CACNB2: variants seen among roughly 807,000 people sequenced by gnomAD.
CACNB2 encodes the protein calcium voltage-gated channel auxiliary subunit beta 2.
A neutral mutation model predicts 73.3 loss-of-function variants in CACNB2; 42 were observed. The observed-to-expected ratio is 0.57, with a 90% CI of 0.45 to 0.74. The LOEUF (loss-of-function observed/expected upper bound fraction) is 0.74. Ranked by LOEUF, CACNB2 falls within the 30% of genes least tolerant of loss-of-function variation. The probability of loss-of-function intolerance (pLI) is 0.00; values close to 1 mark genes in which losing one functional copy is unlikely to be tolerated. For missense variants in CACNB2, 940 were observed against 853.0 expected, an observed-to-expected ratio of 1.10 and a Z score of -1.27; for synonymous variants, 348 against 310.3, an observed-to-expected ratio of 1.12 and a Z score of -1.28.
At chr10:18,481,677 T>G (rs1442452142) in intron 3 of CACNB2, among the ~76,000 whole-genome samples, 3 of 152,080 alleles carry the variant, frequency 2.0e-5, no homozygotes, top group Non-Finnish European at 4.4e-5. Context: ...GATGGTCTCT[T>G]CCTCTCCTTC....
At chr10:18,157,766 TAAC>T (rs1294738607) in intron 2 of CACNB2, among the ~76,000 whole-genome samples, 1 of 152,234 alleles carries the variant, frequency 6.6e-6, no homozygotes, top group African/African-American at 2.4e-5. Context: ...TAAATTATAA[TAAC>T]AATTTCATTC....
intron 2 of CACNB2, among the ~76,000 whole-genome samples, chr10:18,368,410 G>C (rs1302411579): frequency 6.6e-6 from 1 of 152,144 alleles, no homozygotes; most frequent in Non-Finnish European, 1.5e-5. Context: ...GAATAACACA[G>C]AGAAAACTTC....
At chr10:18,536,243 CTTTTTTTTTTTTTTTT>C (rs904187820) in intron 12 of CACNB2, 47 bp downstream of exon 12, 14 of 283,216 alleles carry the variant, frequency 4.9e-5, no homozygotes, top group Admixed American at 7.2e-5. Flanking sequence ...GAGATCAGAC[CTTTTTTTTTTTTTTTT>C]TTTTTTTTTT....
intron 2 of CACNB2, among the ~76,000 whole-genome samples, chr10:18,352,049 C>T (rs2041729305): frequency 6.6e-6 from 1 of 152,196 alleles, no homozygotes; most frequent in Admixed American, 6.5e-5. Flanking sequence ...GATATTTTGA[C>T]AGGTCTATTT....
chr10:18,448,529 A>AAAAAGTT (rs372712503), intron 3 of CACNB2, among the ~76,000 whole-genome samples: 41 of 152,060 alleles, frequency 2.7e-4, no homozygotes, highest in African/African-American at 8.9e-4. Context: ...AGGAAAGAAA[A>AAAAAGTT]AAAAGTTAGA....
intron 2 of CACNB2, among the ~76,000 whole-genome samples, chr10:18,174,544 C>T (rs564318764): frequency 3.0e-4 from 45 of 151,992 alleles, no homozygotes; most frequent in Non-Finnish European, 6.0e-4. Flanking sequence ...GCTGGGATTA[C>T]AGGTGCCTGC....
intron 3 of CACNB2, among the ~76,000 whole-genome samples, chr10:18,425,726 G>T (rs1357025012): frequency 6.6e-6 from 1 of 152,112 alleles, no homozygotes; most frequent in African/African-American, 2.4e-5. Context: ...GCCTCATAAA[G>T]AATTCTTCTA....
chr10:18,299,498 T>G (rs1018904675), intron 2 of CACNB2, among the ~76,000 whole-genome samples: 3 of 152,120 alleles, frequency 2.0e-5, no homozygotes, highest in African/African-American at 7.2e-5. Context: ...ATTAGTCTCT[T>G]TGAAGGTCAC....
At chr10:18,325,587 C>T (rs769149148) in intron 2 of CACNB2, among the ~76,000 whole-genome samples, 2 of 149,618 alleles carry the variant, frequency 1.3e-5, no homozygotes, top group African/African-American at 2.5e-5. Context: ...CTTTTTCTTT[C>T]TCTCTTTCTC....
At chr10:18,498,327 T>G in intron 3 of CACNB2, 28 bp from the exon 4 acceptor site, 1 of 1,613,880 alleles carries the variant, frequency 6.2e-7, no homozygotes, top group East Asian at 2.2e-5. Flanking sequence ...TGCTCTTATT[T>G]TTTTCCCTCT....
At chr10:18,433,908 T>A (rs2046008493) in intron 3 of CACNB2, among the ~76,000 whole-genome samples, 1 of 151,892 alleles carries the variant, frequency 6.6e-6, no homozygotes, top group South Asian at 2.1e-4. Context: ...TTGTTGTTGT[T>A]GTTGTTTTAA....
At chr10:18,237,553 T>C (rs2036493947) in intron 2 of CACNB2, among the ~76,000 whole-genome samples, 1 of 152,226 alleles carries the variant, frequency 6.6e-6, no homozygotes, top group Non-Finnish European at 1.5e-5. Context: ...TGATTTTGAA[T>C]GTCTAGCCTC....
intron 2 of CACNB2, among the ~76,000 whole-genome samples, chr10:18,381,130 T>C (rs1329599631): frequency 6.6e-6 from 1 of 151,178 alleles, no homozygotes; most frequent in Non-Finnish European, 1.5e-5. Context: ...CAGGGCCAGC[T>C]GGGGAAATTC....
At chr10:18,418,782 C>T (rs1043069658) in intron 3 of CACNB2, among the ~76,000 whole-genome samples, 1 of 152,180 alleles carries the variant, frequency 6.6e-6, no homozygotes, top group Non-Finnish European at 1.5e-5. Flanking sequence ...GAATATTTGA[C>T]ACCAGTATCA....
intron 3 of CACNB2, among the ~76,000 whole-genome samples, chr10:18,486,801 C>G (rs2049082505): frequency 6.6e-6 from 1 of 152,076 alleles, no homozygotes; most frequent in Non-Finnish European, 1.5e-5. Context: ...TCTGGACCAT[C>G]CTTTTGGGTC....
chr10:18,262,205 C>T (rs1306704865), intron 2 of CACNB2, among the ~76,000 whole-genome samples: 1 of 151,864 alleles, frequency 6.6e-6, no homozygotes, highest in Non-Finnish European at 1.5e-5. Flanking sequence ...GGTAAAGAAA[C>T]CCGTGACCTT....
At chr10:18,408,388 A>G (rs1442826276) in intron 3 of CACNB2, among the ~76,000 whole-genome samples, 5 of 151,700 alleles carry the variant, frequency 3.3e-5, no homozygotes, top group Admixed American at 6.6e-5. Context: ...ACAGGTGTGC[A>G]CCACTGCGCC....
At chr10:18,324,719 G>A (rs1218845256) in intron 2 of CACNB2, among the ~76,000 whole-genome samples, 1 of 152,146 alleles carries the variant, frequency 6.6e-6, no homozygotes, top group Non-Finnish European at 1.5e-5. Flanking sequence ...AACTGGGTGT[G>A]GTGGCATGCG....
At chr10:18,234,152 C>G (rs1368335446) in intron 2 of CACNB2, 1 of 152,350 alleles carries the variant, frequency 6.6e-6, no homozygotes, top group African/African-American at 2.4e-5. Flanking sequence ...GAGACACAGG[C>G]TCTTCCACCT....
Sources: gnomAD v4.1 joint callset for allele counts (sites outside exome capture counted in the v4.1 genomes callset) on GRCh38, gnomAD v4.1.1 for gene constraint, MANE v1.5 for transcripts, NCBI Gene and HGNC (gene_info 2026-07-23, HGNC 2026-07-21) for gene names.